Variants in MACROD2 observed in about 807,000 individuals in gnomAD.
The protein encoded by MACROD2 is ADP-ribose glycohydrolase MACROD2.
Under a neutral mutation model 70.4 loss-of-function variants are expected in MACROD2, and 36 were observed. The observed-to-expected ratio is 0.51, with a 90% CI of 0.39 to 0.68. MACROD2 has a LOEUF of 0.68. Among genes scored for constraint, MACROD2 ranks in the 30% least tolerant of loss-of-function variants. MACROD2 has a pLI of 0.00. For missense variants in MACROD2, 496 were observed against 538.4 expected (o/e 0.92, Z 0.78); for synonymous variants, 172 against 178.8 (o/e 0.96, Z 0.30).
intron 3 of MACROD2, among the ~76,000 whole-genome samples, chr20:14,168,230 C>T (rs544168331): frequency 8.2e-4 from 125 of 152,130 alleles, no homozygotes; most frequent in African/African-American, 2.9e-3. Flanking sequence ...AATATTTTAG[C>T]ATTAAATGAC....
At chr20:15,343,512 GTC>G (rs1263410768) in intron 6 of MACROD2, among the ~76,000 whole-genome samples, 1 of 152,134 alleles carries the variant, frequency 6.6e-6, no homozygotes, top group Non-Finnish European at 1.5e-5. Flanking sequence ...TCCCTCTGCT[GTC>G]TCTCTTTATG....
At chr20:14,584,574 G>A (rs1421527258) in intron 4 of MACROD2, among the ~76,000 whole-genome samples, 1 of 151,830 alleles carries the variant, frequency 6.6e-6, no homozygotes, top group Non-Finnish European at 1.5e-5. Context: ...TTCATCATGG[G>A]GGCTCCAATA....
In MACROD2 at chr20:14,493,156, G is replaced by A. The variant is rs147404254; in HGVS notation, c.272-323G>A. On this transcript the variant is annotated intron_variant, in intron 3 of 17. Transcript: ENST00000684519. The stretch of plus-strand genomic sequence containing the variant: ...TAAATAATATTGTTCTATTCTACTT[G>A]ATAAAATGGAGAGCTCAGAAGATTA... Among the ~76,000 whole-genome samples the A allele has an allele frequency of 7.6e-4, 115 of 151,926 alleles. No individual in the cohort carries two copies. The East Asian group carries it at 0.018, about 24-fold the overall frequency.
chr20:15,362,797 A>C (rs185010866), intron 6 of MACROD2, among the ~76,000 whole-genome samples: 1 of 152,170 alleles, frequency 6.6e-6, no homozygotes, highest in African/African-American at 2.4e-5. Context: ...TCATTCTTGC[A>C]TAATAAACAA....
Position 14,268,639 on chromosome 20 carries a change from C to T in MACROD2, c.271+182911C>T, listed in dbSNP as rs78665910. Among the ~76,000 whole-genome samples, 432 of 152,240 alleles carry T rather than the reference C, an allele frequency of 2.8e-3. 2 individuals carry two copies. The highest frequency in any genetic ancestry group is 9.7e-3 in the African/African-American group (403 of 41,554). On this transcript the variant is annotated intron_variant, in intron 3 of 17. Transcript: ENST00000684519. ...TGCTGAATCAGAAATTAGAATCTTA[C>T]GACCAAAAGAAACACCAGGACTAAT...
chr20:14,266,857 T>A (rs1165119877), intron 3 of MACROD2, among the ~76,000 whole-genome samples: 1 of 152,070 alleles, frequency 6.6e-6, no homozygotes, highest in Non-Finnish European at 1.5e-5. Flanking sequence ...ACCCAGAAAG[T>A]GGGGATTGTT....
chr20:14,857,019 T>C lies in MACROD2; in HGVS notation c.418+172060T>C, dbSNP rs1476113576. On this transcript the variant is annotated intron_variant, in intron 5 of 17. Transcript: ENST00000684519. ...TATTAAATTTCAGAGTCTTAACCCATATAGTCCAGCATAAACAAAGCATAG... is the reference window on the plus strand; with the variant it reads ...TATTAAATTTCAGAGTCTTAACCCACATAGTCCAGCATAAACAAAGCATAG... Among the ~76,000 whole-genome samples, 3 of 152,226 alleles carry C rather than the reference T, an allele frequency of 2.0e-5. No homozygotes were observed. The East Asian group carries it at 5.8e-4, about 30-fold the overall frequency.
At chr20:15,297,710 A>G (rs1181606302) in intron 6 of MACROD2, among the ~76,000 whole-genome samples, 1 of 152,188 alleles carries the variant, frequency 6.6e-6, no homozygotes, top group Non-Finnish European at 1.5e-5. Context: ...TTATGGTGCT[A>G]GAACAATTGT....
Position 14,329,491 on chromosome 20 carries a change from C to G in MACROD2, c.272-163988C>G, listed in dbSNP as rs1301589039. ...TCTTTGTTTTTAGACTTCTCATTTT[C>G]TTATACAAATAAAGTAGGAGCCAAA... On this transcript the variant is annotated intron_variant, in intron 3 of 17. Transcript: ENST00000684519. Among the ~76,000 whole-genome samples, 3 of 151,954 alleles carry G rather than the reference C, an allele frequency of 2.0e-5. No individual in the cohort carries two copies. The East Asian group carries it at 5.8e-4, about 29-fold the overall frequency.
At chr20:15,469,415 T>C (rs1470185383) in intron 7 of MACROD2, among the ~76,000 whole-genome samples, 2 of 152,022 alleles carry the variant, frequency 1.3e-5, no homozygotes, top group Non-Finnish European at 2.9e-5. Context: ...TGAAAGTCCA[T>C]GTTGGGGAGT....
At chr20:15,987,289 C>T (rs2066499745) in intron 15 of MACROD2, 131 bp downstream of exon 15, 8 of 709,082 alleles carry the variant, frequency 1.1e-5, no homozygotes, top group Non-Finnish European at 1.8e-5. Flanking sequence ...TTCCTTAACC[C>T]CAAATCTCCG....
rs1045903001 is a variant in MACROD2, at chr20:15,965,940, A to G, written c.908-1613A>G. Among the ~76,000 whole-genome samples, 5 of 152,338 alleles carry G rather than the reference A, an allele frequency of 3.3e-5. No homozygotes were observed. The East Asian group carries it at 5.8e-4, about 18-fold the overall frequency. On this transcript the variant is annotated intron_variant, in intron 12 of 17. Coordinates refer to ENST00000684519, the MANE Select transcript of MACROD2 (RefSeq NM_001351661.2). ...TTGGGGGAATTATTTGTAGTTAATT[A>G]AAACCACACACTTCGGGTATATATT... is the stretch of plus-strand genomic sequence containing the variant.
chr20:15,065,611 G>A (rs962929541), intron 5 of MACROD2, among the ~76,000 whole-genome samples: 6 of 147,058 alleles, frequency 4.1e-5, no homozygotes, highest in East Asian at 2.0e-4. Context: ...CCAAGATCGC[G>A]CCACTGCACT....
At chr20:15,355,518 C>T (rs575526236) in intron 6 of MACROD2, among the ~76,000 whole-genome samples, 1 of 152,090 alleles carries the variant, frequency 6.6e-6, no homozygotes, top group Non-Finnish European at 1.5e-5. Flanking sequence ...CCTTAGTGTC[C>T]ATAATTTTTA....
chr20:14,776,273 A>G (rs1259436965), intron 5 of MACROD2, among the ~76,000 whole-genome samples: 2 of 152,044 alleles, frequency 1.3e-5, no homozygotes, highest in Non-Finnish European at 2.9e-5. Context: ...TCAGATAACC[A>G]GTAAAAATGA....
intron 5 of MACROD2, among the ~76,000 whole-genome samples, chr20:15,025,943 G>A (rs2075227820): frequency 6.6e-6 from 1 of 152,170 alleles, no homozygotes; most frequent in Admixed American, 6.5e-5. Flanking sequence ...GGTAAATCCT[G>A]TGGTGCAACT....
intron 12 of MACROD2, among the ~76,000 whole-genome samples, chr20:15,960,854 G>A (rs1290972624): frequency 6.6e-6 from 1 of 152,116 alleles, no homozygotes; most frequent in African/African-American, 2.4e-5. Context: ...GGTGGGGCAC[G>A]TTGGCTACAA....
At chr20:15,230,337 T>C (rs1382960860) in intron 6 of MACROD2, among the ~76,000 whole-genome samples, 1 of 152,208 alleles carries the variant, frequency 6.6e-6, no homozygotes, top group Non-Finnish European at 1.5e-5. Flanking sequence ...TTACTTTCTT[T>C]TGGAGAAAGT....
intron 5 of MACROD2, among the ~76,000 whole-genome samples, chr20:15,193,091 G>A (rs868017249): frequency 6.6e-6 from 1 of 152,142 alleles, no homozygotes; most frequent in African/African-American, 2.4e-5. Flanking sequence ...CTGGTCATCA[G>A]CAGGCTCTAG....
Sources: gnomAD v4.1 joint callset for allele counts (sites outside exome capture counted in the v4.1 genomes callset) on GRCh38, gnomAD v4.1.1 for gene constraint, MANE v1.5 for transcripts, NCBI Gene and HGNC (gene_info 2026-07-23, HGNC 2026-07-21) for gene names.